Variants in ENPP6 observed in about 807,000 individuals in gnomAD.
ENPP6 encodes ectonucleotide pyrophosphatase/phosphodiesterase 6, also known as glycerophosphocholine cholinephosphodiesterase ENPP6.
A neutral mutation model predicts 42.0 loss-of-function variants in ENPP6; 32 were observed. The observed-to-expected ratio is 0.76, with a 90% CI of 0.58 to 1.02. ENPP6 has a LOEUF of 1.02. ENPP6 is among the 50% of genes least tolerant of loss of function. The probability of loss-of-function intolerance (pLI) is 0.00; values close to 1 mark genes in which losing one functional copy is unlikely to be tolerated. For missense variants in ENPP6, 552 were observed against 566.8 expected (o/e 0.97, Z 0.27); for synonymous variants, 213 against 216.0 (o/e 0.99, Z 0.12).
intron 2 of ENPP6, among the ~76,000 whole-genome samples, chr4:184,142,747 C>A (rs138791588): frequency 6.6e-6 from 1 of 152,192 alleles, no homozygotes; most frequent in Non-Finnish European, 1.5e-5. Context: ...TGTGCCATAC[C>A]CAGGCTGAGT....
At chr4:184,112,618 G>C in intron 6 of ENPP6, 54 bp downstream of exon 6, 1 of 1,554,438 alleles carries the variant, frequency 6.4e-7, no homozygotes, top group Non-Finnish European at 8.7e-7. Flanking sequence ...TTTAACTTTG[G>C]ACTGTTTTAT....
Position 184,112,758 on chromosome 4 carries a change from C to G in ENPP6, c.907G>C (p.Ala303Pro). The change falls in exon 6 of 8, where the codon GCC (alanine) becomes CCC (proline). Residue 303 changes from alanine to proline, a missense_variant. Coordinates refer to ENST00000296741, the MANE Select transcript of ENPP6 (RefSeq NM_153343.4). The part of the protein sequence containing the change: ...VEHMTVYEKE[A>P]IPSRFYYKKG... Reference sequence around the variant, plus strand: ...TTGTAATAGAACCTGCTTGGGATGGCTTCTTTCTCGTAGACAGTCATGTGT... The same window carrying G: ...TTGTAATAGAACCTGCTTGGGATGGGTTCTTTCTCGTAGACAGTCATGTGT... 1 of 1,614,110 alleles carries G rather than the reference C, an allele frequency of 6.2e-7. No homozygotes were observed. Among genetic ancestry groups the G allele is most frequent in the East Asian group, 2.2e-5 (1 of 44,864 alleles).
At chr4:184,196,932 C>A (rs890556889) in intron 1 of ENPP6, among the ~76,000 whole-genome samples, 3 of 152,114 alleles carry the variant, frequency 2.0e-5, no homozygotes, top group Admixed American at 2.0e-4. Flanking sequence ...CTTTCAAGAC[C>A]CCCCCACAGC....
Position 184,189,701 on chromosome 4 carries a change from TC to T in ENPP6, c.241+27877del, listed in dbSNP as rs913016186. Among the ~76,000 whole-genome samples the T allele has an allele frequency of 8.9e-4, 135 of 152,196 alleles. 1 individual carries two copies. The highest frequency in any genetic ancestry group is 3.1e-3 in the African/African-American group (129 of 41,450). On this transcript the variant is annotated intron_variant, in intron 1 of 7. Coordinates refer to ENST00000296741, the MANE Select transcript of ENPP6 (RefSeq NM_153343.4). ...AAACTCCGTGGAGTCCTTAATGTCC[TC>T]ATTTTTAAAGAAAAGCAACTTGAAC...
intron 1 of ENPP6, among the ~76,000 whole-genome samples, chr4:184,157,905 C>T (rs905772674): frequency 5.9e-5 from 9 of 151,652 alleles, no homozygotes; most frequent in African/African-American, 2.2e-4. Context: ...CAGGCATGAG[C>T]CACTGTGCCC....
chr4:184,182,211 G>A (rs551820515), intron 1 of ENPP6, among the ~76,000 whole-genome samples: 1 of 150,160 alleles, frequency 6.7e-6, no homozygotes, highest in East Asian at 1.9e-4. Flanking sequence ...GACAAAAACA[G>A]ACACTTCTCA....
intron 6 of ENPP6, among the ~76,000 whole-genome samples, chr4:184,109,229 A>G (rs975089702): frequency 1.3e-4 from 18 of 139,850 alleles, no homozygotes; most frequent in African/African-American, 4.7e-4. Flanking sequence ...AACAACAACA[A>G]CAACAAAAAA....
At chr4:184,106,479 A>C in intron 6 of ENPP6, among the ~76,000 whole-genome samples, 1 of 150,730 alleles carries the variant, frequency 6.6e-6, no homozygotes. Flanking sequence ...CATTCCTCTC[A>C]CTCTCAAAGG....
At chr4:184,200,910 C>T (rs1732884269) in intron 1 of ENPP6, among the ~76,000 whole-genome samples, 1 of 152,200 alleles carries the variant, frequency 6.6e-6, no homozygotes, top group Non-Finnish European at 1.5e-5. Flanking sequence ...TGGGTAGTTC[C>T]TTCATCAAGA....
intron 1 of ENPP6, among the ~76,000 whole-genome samples, chr4:184,213,976 A>AT (rs1733157421): frequency 7.9e-6 from 1 of 126,258 alleles, no homozygotes; most frequent in Non-Finnish European, 1.7e-5. Flanking sequence ...CATTCTCAGT[A>AT]AACTATCGCA....
intron 6 of ENPP6, among the ~76,000 whole-genome samples, chr4:184,105,294 C>T (rs551950454): frequency 2.0e-5 from 3 of 152,144 alleles, no homozygotes; most frequent in South Asian, 4.1e-4. Context: ...CAGTATGACA[C>T]GAGCAAGAAA....
In ENPP6 at chr4:184,131,136, A is replaced by ACTTTCTTTCTTTCTTTCTTTCTTT. The variant is rs1426151263; in HGVS notation, c.422-6865_422-6864insAAAGAAAGAAAGAAAGAAAGAAAG. Among the ~76,000 whole-genome samples, 132 of 125,346 alleles carry ACTTTCTTTCTTTCTTTCTTTCTTT rather than the reference A, an allele frequency of 1.1e-3. 4 individuals are homozygous for ACTTTCTTTCTTTCTTTCTTTCTTT. The highest frequency in any genetic ancestry group is 3.7e-3 in the Admixed American group (48 of 13,044). 82.2% of individuals were successfully genotyped at this position (125,346 alleles called of 152,430 possible). A position where few individuals can be genotyped will look rare whatever the true frequency, so the allele number is the denominator to read the frequency against. ...ATTGTTTCAACTTGCTTCCACCAGC[A>ACTTTCTTTCTTTCTTTCTTTCTTT]CTTACTTTCTTTCTTTCTTTCTTTC... On this transcript the variant is annotated intron_variant, in intron 2 of 7. Transcript: ENST00000296741.
chr4:184,124,004 T>G (rs1485020019), intron 3 of ENPP6, among the ~76,000 whole-genome samples, 157 bp downstream of exon 3: 1 of 152,196 alleles, frequency 6.6e-6, no homozygotes, highest in Non-Finnish European at 1.5e-5. Flanking sequence ...TTGCTCACAA[T>G]TACTCCCTAC....
intron 2 of ENPP6, among the ~76,000 whole-genome samples, chr4:184,152,222 T>C (rs1284503131): frequency 6.6e-6 from 1 of 152,178 alleles, no homozygotes; most frequent in African/African-American, 2.4e-5. Flanking sequence ...CTCCGCGGTC[T>C]CCGTGTGTCT....
intron 1 of ENPP6, among the ~76,000 whole-genome samples, chr4:184,204,332 G>T (rs1017401775): frequency 1.3e-5 from 2 of 152,198 alleles, no homozygotes; most frequent in Non-Finnish European, 2.9e-5. Flanking sequence ...TCCTTGCGAT[G>T]CTGGCATACA....
At position 184,112,826 on chromosome 4, in the gene ENPP6, G is replaced by C; in HGVS notation, c.856-17C>G. On this transcript the variant is annotated splice_polypyrimidine_tract_variant and intron_variant, in intron 5 of 7. Transcript: ENST00000296741. ...GTTATATATCTGCAAAGAAAATCAA[G>C]AGTGATCAGTTTGACACTCTCTTAA... 1 of 1,611,294 alleles carries C rather than the reference G, an allele frequency of 6.2e-7. No individual in the cohort carries two copies. The highest frequency in any genetic ancestry group is 1.3e-5 in the African/African-American group (1 of 74,920).
chr4:184,166,805 C>T (rs1397098836), intron 1 of ENPP6, among the ~76,000 whole-genome samples: 3 of 152,226 alleles, frequency 2.0e-5, no homozygotes, highest in Non-Finnish European at 4.4e-5. Context: ...GAAGCACCTC[C>T]GTCTTCTGGC....
At position 184,113,958 on chromosome 4, in the gene ENPP6, T is replaced by C. The variant is rs189344647; in HGVS notation, c.856-1149A>G. 1.8e-3 allele frequency among the ~76,000 whole-genome samples: 268 copies of C among 147,606 alleles called. 2 individuals are homozygous for C. The highest frequency in any genetic ancestry group is 6.2e-3 in the African/African-American group (251 of 40,308). On this transcript the variant is annotated intron_variant, in intron 5 of 7. Coordinates refer to ENST00000296741, the MANE Select transcript of ENPP6 (RefSeq NM_153343.4). ...TTCTTTCTTTCTTTCTTTCTTTCTT[T>C]CTTTCTCTCTTTCTTTCTTTCTTTT...
At chr4:184,124,429 T>C (rs1736467235) in intron 2 of ENPP6, among the ~76,000 whole-genome samples, 157 bp from the exon 3 acceptor site, 1 of 152,176 alleles carries the variant, frequency 6.6e-6, no homozygotes, top group African/African-American at 2.4e-5. Flanking sequence ...AAGTGGTGTA[T>C]TTAACTGTAA....
Sources: allele counts gnomAD v4.1 joint callset (sites outside exome capture counted in the v4.1 genomes callset), GRCh38; gene constraint gnomAD v4.1.1; transcripts MANE v1.5; gene names NCBI Gene and HGNC (gene_info 2026-07-23, HGNC 2026-07-21).